Variants in SH3RF1 observed in about 807,000 individuals in gnomAD.
SH3RF1 encodes E3 ubiquitin-protein ligase SH3RF1.
SH3RF1 carries 32 observed loss-of-function variants against 74.0 expected under a neutral mutation model. The ratio of observed to expected loss-of-function variants is 0.43; its 90% CI spans 0.33 to 0.58. SH3RF1 has a LOEUF of 0.58. SH3RF1 is among the 20% of genes least tolerant of loss of function. The pLI is 0.05. For missense variants in SH3RF1, 954 were observed against 1,130.9 expected, an observed-to-expected ratio of 0.84 and a Z score of 2.24; for synonymous variants, 396 against 439.6, an observed-to-expected ratio of 0.90 and a Z score of 1.24.
At chr4:169,161,923 T>C (rs1334817993) in intron 2 of SH3RF1, among the ~76,000 whole-genome samples, 1 of 152,210 alleles carries the variant, frequency 6.6e-6, no homozygotes, top group South Asian at 2.1e-4. Context: ...CTCACACCTG[T>C]AATCCCAGCA....
At chr4:169,102,961 AG>A (rs1199425619) in intron 11 of SH3RF1, among the ~76,000 whole-genome samples, 2 of 116,796 alleles carry the variant, frequency 1.7e-5, no homozygotes, top group Non-Finnish European at 3.2e-5. Context: ...TCGCTCTGTC[AG>A]GCTGGATGGA....
chr4:169,220,060 A>T (rs560220039), intron 2 of SH3RF1: 1 of 152,158 alleles, frequency 6.6e-6, no homozygotes, highest in Non-Finnish European at 1.5e-5. Flanking sequence ...GCTGCAAAGA[A>T]ATACCAAAAT....
chr4:169,106,553 G>T (rs966707694), intron 11 of SH3RF1, among the ~76,000 whole-genome samples: 1 of 151,788 alleles, frequency 6.6e-6, no homozygotes, highest in African/African-American at 2.4e-5. Context: ...GTAAATCCAT[G>T]AACAGTTTCC....
intron 4 of SH3RF1, among the ~76,000 whole-genome samples, chr4:169,151,219 T>C (rs896458721): frequency 6.6e-6 from 1 of 152,086 alleles, no homozygotes; most frequent in African/African-American, 2.4e-5. Context: ...TGAATTCTAA[T>C]GGGGAAATGG....
intron 2 of SH3RF1, among the ~76,000 whole-genome samples, chr4:169,195,912 A>C (rs1734800885): frequency 2.0e-5 from 3 of 152,028 alleles, no homozygotes; most frequent in African/African-American, 7.2e-5. Flanking sequence ...GCAGTGGTGC[A>C]ATCTCGGCTC....
At chr4:169,206,704 T>C (rs1730269386) in intron 2 of SH3RF1, among the ~76,000 whole-genome samples, 1 of 152,076 alleles carries the variant, frequency 6.6e-6, no homozygotes, top group South Asian at 2.1e-4. Flanking sequence ...AGGTCTAACC[T>C]TTATAGGGTG....
intron 2 of SH3RF1, among the ~76,000 whole-genome samples, chr4:169,246,060 A>G (rs1472816297): frequency 6.6e-6 from 1 of 152,236 alleles, no homozygotes; most frequent in East Asian, 1.9e-4. Context: ...GATGGGTATA[A>G]AACTACTACA....
chr4:169,143,482 G>A (rs1224869192), intron 4 of SH3RF1, among the ~76,000 whole-genome samples: 2 of 152,140 alleles, frequency 1.3e-5, no homozygotes, highest in African/African-American at 4.8e-5. Flanking sequence ...GCTCCTGTAG[G>A]GAAAGAAGCT....
intron 2 of SH3RF1, among the ~76,000 whole-genome samples, chr4:169,178,314 G>GCAACTATGCTTATTTAAAAAAATAAA (rs1734455233): frequency 2.1e-5 from 1 of 48,048 alleles, no homozygotes; most frequent in Non-Finnish European, 6.2e-5. Context: ...AAAAAAATAA[G>GCAACTATGCTTATTTAAAAAAATAAA]CAACTATGCT....
intron 2 of SH3RF1, among the ~76,000 whole-genome samples, chr4:169,173,290 T>C (rs1181853034): frequency 6.6e-6 from 1 of 151,738 alleles, no homozygotes; most frequent in East Asian, 1.9e-4. Context: ...CTGATTAAGA[T>C]ATTCAGTTGC....
intron 4 of SH3RF1, among the ~76,000 whole-genome samples, chr4:169,141,873 C>T (rs1579103342): frequency 6.8e-6 from 1 of 146,354 alleles, no homozygotes; most frequent in African/African-American, 2.6e-5. Flanking sequence ...AGTGCAGTGG[C>T]GTGATGTCGG....
At chr4:169,174,822 T>C (rs1734391332) in intron 2 of SH3RF1, among the ~76,000 whole-genome samples, 2 of 152,072 alleles carry the variant, frequency 1.3e-5, no homozygotes, top group South Asian at 4.1e-4. Context: ...AAAAGCTCCT[T>C]AGTGACTCTC....
At chr4:169,160,531 C>A (rs1390805061) in intron 2 of SH3RF1, among the ~76,000 whole-genome samples, 1 of 152,166 alleles carries the variant, frequency 6.6e-6, no homozygotes, top group Non-Finnish European at 1.5e-5. Flanking sequence ...GTCTTGACTG[C>A]TAAAATTGTT....
intron 2 of SH3RF1, among the ~76,000 whole-genome samples, chr4:169,224,464 C>T (rs1282308859): frequency 1.3e-5 from 2 of 152,014 alleles, no homozygotes; most frequent in Admixed American, 6.6e-5. Context: ...ATTACAGGCT[C>T]GCGCCACCAT....
At chr4:169,241,983 T>C (rs1028525632) in intron 2 of SH3RF1, among the ~76,000 whole-genome samples, 5 of 152,202 alleles carry the variant, frequency 3.3e-5, no homozygotes, top group African/African-American at 1.2e-4. Context: ...GAGAGTTTTA[T>C]TCAGATTTTA....
At chr4:169,147,498 C>T (rs183554296) in intron 4 of SH3RF1, among the ~76,000 whole-genome samples, 89 of 152,186 alleles carry the variant, frequency 5.8e-4, no homozygotes, top group Admixed American at 4.5e-3. Flanking sequence ...GAATGGTGAT[C>T]GCCAAGAAAG....
chr4:169,238,550 T>A (rs879703490), intron 2 of SH3RF1, among the ~76,000 whole-genome samples: 5 of 152,198 alleles, frequency 3.3e-5, no homozygotes, highest in Non-Finnish European at 7.3e-5. Context: ...TTGTTGTCTA[T>A]CAGGCTGAAG....
At chr4:169,211,348 G>A (rs745779860) in intron 2 of SH3RF1, among the ~76,000 whole-genome samples, 10 of 152,152 alleles carry the variant, frequency 6.6e-5, no homozygotes, top group Non-Finnish European at 1.5e-4. Flanking sequence ...TGGGCGTGGT[G>A]GCAGACGCCT....
chr4:169,206,416 T>A (rs1344698506), intron 2 of SH3RF1, among the ~76,000 whole-genome samples: 1 of 152,186 alleles, frequency 6.6e-6, no homozygotes. Context: ...TTCACACCCA[T>A]AATTCCAGTA....
Sources: allele counts gnomAD v4.1 joint callset (sites outside exome capture counted in the v4.1 genomes callset), GRCh38; gene constraint gnomAD v4.1.1; transcripts MANE v1.5; gene names NCBI Gene and HGNC (gene_info 2026-07-23, HGNC 2026-07-21).